PLEKHM1: variants seen among roughly 807,000 people sequenced by gnomAD.
The protein encoded by PLEKHM1 is pleckstrin homology and RUN domain containing M1, also known as pleckstrin homology domain-containing family M member 1.
A neutral mutation model predicts 94.3 loss-of-function variants in PLEKHM1; 28 were observed. The ratio of observed to expected loss-of-function variants is 0.30; its 90% CI spans 0.22 to 0.41. The LOEUF (loss-of-function observed/expected upper bound fraction) is 0.41. Ranked by LOEUF, PLEKHM1 falls within the 10% of genes least tolerant of loss-of-function variation. The pLI is 1.00. For missense variants in PLEKHM1, 907 were observed against 1,358.6 expected, an observed-to-expected ratio of 0.67 and a Z score of 5.22; for synonymous variants, 424 against 581.2, an observed-to-expected ratio of 0.73 and a Z score of 3.89.
chr17:45,436,143 T>C lies in PLEKHM1; in HGVS notation c.*1715A>G, dbSNP rs747722895. 5 of 455,996 alleles carry C rather than the reference T, an allele frequency of 1.1e-5. No individual in the cohort carries two copies. The highest frequency in any genetic ancestry group is 7.7e-5 in the South Asian group (5 of 64,540). 28.2% of individuals were successfully genotyped at this position (455,996 alleles called of 1,614,324 possible). On this transcript the variant is annotated 3_prime_UTR_variant, in exon 12 of 12. Transcript: ENST00000430334. ...AACGGGCCCCCCAGGGCCTCAAACC[T>C]GCTGCCTCCGAGGGCACCTTCGGGG...
intron 8 of PLEKHM1, among the ~76,000 whole-genome samples, chr17:45,447,101 C>T (rs2050630526): frequency 6.6e-6 from 1 of 152,222 alleles, no homozygotes; most frequent in Admixed American, 6.5e-5. Flanking sequence ...TGGCACATCC[C>T]CAGTAAATGT....
At position 45,453,824 on chromosome 17, in the gene PLEKHM1, G is replaced by A. The variant is rs140938435; in HGVS notation, c.2028C>T (p.Ser676=). 121 of 1,613,874 alleles carry A rather than the reference G, an allele frequency of 7.5e-5. No individual in the cohort carries two copies. Among genetic ancestry groups the A allele is most frequent in the Middle Eastern group, 4.9e-4 (3 of 6,078 alleles). The change falls in exon 7 of 12, where the codon TCC becomes TCT. Residue 676 remains serine (S), a synonymous_variant. Coordinates refer to ENST00000430334, the MANE Select transcript of PLEKHM1 (RefSeq NM_014798.3). The surrounding 1 kb of genome is among the most constrained non-coding windows in gnomAD (Gnocchi z 4.1). ...ALQGTQFDWS[S]AQVPEPDAIK... ...TGGCATCTGGCTCTGGAACCTGGGC[G>A]GACGACCAGTCAAACTGTGTGCCCT...
chr17:45,477,794 A>G, intron 3 of PLEKHM1, 106 bp downstream of exon 3: 1 of 1,348,710 alleles, frequency 7.4e-7, no homozygotes, highest in Non-Finnish European at 1.0e-6. Flanking sequence ...CTATGCTAGA[A>G]CACAGGGCAC....
At chr17:45,449,309 C>T (rs2050699104) in intron 8 of PLEKHM1, among the ~76,000 whole-genome samples, 2 of 151,532 alleles carry the variant, frequency 1.3e-5, no homozygotes, top group South Asian at 4.2e-4. Context: ...TACCCATCTA[C>T]CTACCCATCT....
At chr17:45,469,711 C>T (rs2051433584) in intron 4 of PLEKHM1, among the ~76,000 whole-genome samples, 1 of 152,144 alleles carries the variant, frequency 6.6e-6, no homozygotes, top group African/African-American at 2.4e-5. Context: ...AGCTCTGCAC[C>T]ATCTTAACCC....
intron 2 of PLEKHM1, among the ~76,000 whole-genome samples, chr17:45,480,538 C>T (rs1464345752): frequency 6.6e-6 from 1 of 152,098 alleles, no homozygotes; most frequent in Non-Finnish European, 1.5e-5. Context: ...CGATTTTCAT[C>T]ACCCCAAAAA....
chr17:45,475,278 C>T lies in PLEKHM1; in HGVS notation c.745G>A (p.Ala249Thr), dbSNP rs2051681161. The T allele has an allele frequency of 1.2e-6, 2 of 1,613,852 alleles. No homozygotes were observed. The highest frequency in any genetic ancestry group is 1.3e-5 in the African/African-American group (1 of 74,906). ...HKIRRNQKLT[A>T]SSLSLDTASS... The stretch of plus-strand genomic sequence containing the variant: ...GCCGTGTCCAGGCTGAGGGAGGAGG[C>T]AGTCAGCTTCTGGTTCCTCCGTATC... The change falls in exon 4 of 12, where the codon GCC becomes ACC. Residue 249 changes from alanine (A) to threonine (T), a missense_variant. Coordinates refer to ENST00000430334, the MANE Select transcript of PLEKHM1 (RefSeq NM_014798.3).
In PLEKHM1 at chr17:45,475,410, C is replaced by A; in HGVS notation, c.613G>T (p.Asp205Tyr). 1 of 1,613,696 alleles carries A rather than the reference C, an allele frequency of 6.2e-7. No individual in the cohort carries two copies. Among genetic ancestry groups the A allele is most frequent in the Non-Finnish European group, 8.5e-7 (1 of 1,179,632 alleles). Residue 205 changes from aspartate to tyrosine, a missense_variant, in exon 4 of 12, where the codon GAC becomes TAC. By Grantham distance (160) the Asp-to-Tyr change is radical. Coordinates refer to ENST00000430334, the MANE Select transcript of PLEKHM1 (RefSeq NM_014798.3). ...TCTGCACCAGAGGTAGAGAGAGGGT[C>A]CAGCTCAGAAAGCGGGCAAAGCCCA... ...LSGLCPLSEL[D>Y]PLSTSGAELQ...
rs769723896 is a variant in PLEKHM1 at position 45,453,917 on chromosome 17, C to T, written c.1935G>A (p.Glu645=). 6.2e-7 allele frequency: 1 copy of T among 1,613,822 alleles called. No individual in the cohort carries two copies. The highest frequency in any genetic ancestry group is 1.1e-5 in the South Asian group (1 of 91,070). ...WVNVQYPDQP[E]EPPEAPQGCL... is the part of the protein sequence containing the mutation. Reference sequence around the variant, plus strand: ...AGCCCTGGGGCGCCTCGGGGGGTTCCTCAGGCTGGTCTGGGTACTGCACGT... The same window carrying T: ...AGCCCTGGGGCGCCTCGGGGGGTTCTTCAGGCTGGTCTGGGTACTGCACGT... Residue 645 remains glutamate, a synonymous_variant, in exon 7 of 12, where the codon GAG becomes GAA. Coordinates refer to ENST00000430334, the MANE Select transcript of PLEKHM1 (RefSeq NM_014798.3). This position sits in a 1 kb window ranked among gnomAD's most constrained non-coding sequence, Gnocchi z 4.1.
intron 9 of PLEKHM1, 127 bp from the exon 10 acceptor site, chr17:45,440,353 T>C: frequency 1.1e-6 from 1 of 927,118 alleles, no homozygotes; most frequent in South Asian, 1.3e-5. Context: ...GGGCAGGGGC[T>C]AGGAGTGTAA....
intron 9 of PLEKHM1, chr17:45,441,205 C>CT (rs1471525985): frequency 6.6e-6 from 1 of 152,196 alleles, no homozygotes; most frequent in Non-Finnish European, 1.5e-5. Context: ...GCTTGGGAAC[C>CT]TGCCCCAGGA....
rs1361519048 is a variant in PLEKHM1, at chr17:45,437,498, A to G, written c.*360T>C. 3.8e-6 allele frequency: 2 copies of G among 523,208 alleles called. No individual in the cohort carries two copies. Among genetic ancestry groups the G allele is most frequent in the African/African-American group, 3.8e-5 (2 of 52,634 alleles). 32.4% of individuals were successfully genotyped at this position (523,208 alleles called of 1,614,324 possible). Reference sequence around the variant, plus strand: ...AAAAAACTAGACCTTTTAATCAGGAATGTGGAATTGAAAATGCTCCCCAAG... The same window carrying G: ...AAAAAACTAGACCTTTTAATCAGGAGTGTGGAATTGAAAATGCTCCCCAAG... On this transcript the variant is annotated 3_prime_UTR_variant, in exon 12 of 12. Transcript: ENST00000430334. This position sits in a 1 kb window ranked among gnomAD's most constrained non-coding sequence, Gnocchi z 4.0.
intron 6 of PLEKHM1, among the ~76,000 whole-genome samples, chr17:45,455,512 G>A (rs2050919249): frequency 6.6e-6 from 1 of 152,040 alleles, no homozygotes; most frequent in Non-Finnish European, 1.5e-5. Flanking sequence ...TAGGATCTCA[G>A]CTGACATGTC....
At chr17:45,446,720 A>G (rs2050618316) in intron 8 of PLEKHM1, among the ~76,000 whole-genome samples, 1 of 152,212 alleles carries the variant, frequency 6.6e-6, no homozygotes. Context: ...GATATATAGA[A>G]ATGAAATTGA....
Position 45,477,889 on chromosome 17 carries a change from C to T in PLEKHM1, c.296+11G>A. 6.2e-7 allele frequency: 1 copy of T among 1,613,692 alleles called. No individual in the cohort carries two copies. The highest frequency in any genetic ancestry group is 8.5e-7 in the Non-Finnish European group (1 of 1,179,846). On this transcript the variant is annotated intron_variant, in intron 3 of 11. Coordinates refer to ENST00000430334, the MANE Select transcript of PLEKHM1 (RefSeq NM_014798.3). ...CCTCCGCAAAGCAAAACCTCTCCAG[C>T]TAAATCTCACTTGTGGGTGACAGCT...
At chr17:45,488,476 G>T (rs1187524903) in intron 1 of PLEKHM1, among the ~76,000 whole-genome samples, 1 of 152,182 alleles carries the variant, frequency 6.6e-6, no homozygotes, top group Non-Finnish European at 1.5e-5. Flanking sequence ...ACTCTTAAGT[G>T]CTGGGGCAAC....
chr17:45,481,929 G>C (rs529783565), intron 2 of PLEKHM1, among the ~76,000 whole-genome samples: 21 of 152,280 alleles, frequency 1.4e-4, no homozygotes, highest in African/African-American at 4.8e-4. Flanking sequence ...AGAACAGAGA[G>C]CTCTATCTGG....
At chr17:45,490,284 G>A (rs1197095230) in intron 1 of PLEKHM1, among the ~76,000 whole-genome samples, 3 of 152,104 alleles carry the variant, frequency 2.0e-5, no homozygotes, top group African/African-American at 7.2e-5. Flanking sequence ...ATTACCAGAG[G>A]GGTGGGGAGA....
At position 45,450,531 on chromosome 17, in the gene PLEKHM1, C is replaced by A. The variant is rs1046851217; in HGVS notation, c.2643+87G>T. 1.4e-5 allele frequency: 21 copies of A among 1,528,724 alleles called. No individual in the cohort carries two copies. The African/African-American group carries it at 2.7e-4, about 20-fold the overall frequency. The allele number at this position is 1,528,724 out of a possible 1,614,324, so 94.7% of individuals were successfully genotyped here. ...GCTTCCCTTGTTTAGAGGAGCCAAA[C>A]TCCTCTAAACAGATGAACAGCAGCA... On this transcript the variant is annotated intron_variant, in intron 8 of 11. Coordinates refer to ENST00000430334, the MANE Select transcript of PLEKHM1 (RefSeq NM_014798.3).
Sources: gnomAD v4.1 joint callset for allele counts (sites outside exome capture counted in the v4.1 genomes callset) on GRCh38, gnomAD v4.1.1 for gene constraint, Gnocchi (gnomAD v3.1) non-coding constraint, MANE v1.5 for transcripts, NCBI Gene and HGNC (gene_info 2026-07-23, HGNC 2026-07-21) for gene names.